MAGI1: variants seen among roughly 807,000 people sequenced by gnomAD.
MAGI1 encodes the protein membrane associated guanylate kinase, WW and PDZ domain containing 1, also known as membrane-associated guanylate kinase, WW and PDZ domain-containing protein 1.
A neutral mutation model predicts 139.9 loss-of-function variants in MAGI1; 58 were observed. The observed-to-expected ratio is 0.41, with a 90% CI of 0.34 to 0.52. The LOEUF (loss-of-function observed/expected upper bound fraction) is 0.52. MAGI1 is among the 20% of genes least tolerant of loss of function. The pLI, the probability that MAGI1 is intolerant of heterozygous loss-of-function variation, is 0.12. For synonymous variants in MAGI1, 812 were observed against 737.9 expected (o/e 1.10, Z -1.63); for missense variants, 1,874 against 1,901.6 (o/e 0.99, Z 0.27).
chr3:65,468,869 G>T (rs1028656087), intron 5 of MAGI1, among the ~76,000 whole-genome samples: 2 of 151,642 alleles, frequency 1.3e-5, no homozygotes, highest in Non-Finnish European at 2.9e-5. Flanking sequence ...CTGGGAGATA[G>T]AGGCTGCAGT....
At chr3:65,374,803 AC>A (rs1193698358) in intron 18 of MAGI1, among the ~76,000 whole-genome samples, 1 of 152,156 alleles carries the variant, frequency 6.6e-6, no homozygotes, top group African/African-American at 2.4e-5. Flanking sequence ...ATCACCACTT[AC>A]ATAAAAGAAC....
chr3:65,824,585 T>A (rs1188268335), intron 1 of MAGI1, among the ~76,000 whole-genome samples: 4 of 152,186 alleles, frequency 2.6e-5, no homozygotes, highest in Non-Finnish European at 5.9e-5. Flanking sequence ...CAAAAATAAA[T>A]CTGTCCTCTG....
At chr3:65,647,194 AG>A (rs2085316383) in intron 1 of MAGI1, among the ~76,000 whole-genome samples, 1 of 152,188 alleles carries the variant, frequency 6.6e-6, no homozygotes, top group Admixed American at 6.6e-5. Flanking sequence ...ATATCACTAA[AG>A]ACCTTGCATA....
chr3:65,500,565 TGC>T (rs1464844760), intron 2 of MAGI1, among the ~76,000 whole-genome samples: 1 of 152,262 alleles, frequency 6.6e-6, no homozygotes, highest in Non-Finnish European at 1.5e-5. Flanking sequence ...GGAACTTATC[TGC>T]GCTATCTTTT....
At chr3:65,755,585 T>C (rs187947748) in intron 1 of MAGI1, among the ~76,000 whole-genome samples, 57 of 152,302 alleles carry the variant, frequency 3.7e-4, no homozygotes, top group Admixed American at 9.8e-4. Flanking sequence ...AATTTACACA[T>C]AGGCATATAA....
chr3:65,691,730 T>C (rs2088673795), intron 1 of MAGI1, among the ~76,000 whole-genome samples: 1 of 152,170 alleles, frequency 6.6e-6, no homozygotes, highest in African/African-American at 2.4e-5. Context: ...ATCAAAATAA[T>C]ATAGTTCCAG....
intron 1 of MAGI1, among the ~76,000 whole-genome samples, chr3:65,900,208 C>G (rs774131170): frequency 1.3e-4 from 20 of 152,170 alleles, no homozygotes; most frequent in Non-Finnish European, 2.6e-4. Flanking sequence ...AACATCGTGT[C>G]TTTCCTATGT....
chr3:65,876,354 C>A (rs76841349), intron 1 of MAGI1, among the ~76,000 whole-genome samples: 20 of 151,850 alleles, frequency 1.3e-4, no homozygotes, highest in Admixed American at 3.3e-4. Context: ...ACCACCCCCC[C>A]CAAAAAAGGC....
intron 1 of MAGI1, among the ~76,000 whole-genome samples, chr3:65,997,792 C>T (rs1280727607): frequency 6.6e-6 from 1 of 152,176 alleles, no homozygotes; most frequent in East Asian, 1.9e-4. Flanking sequence ...CCCTCTCCCC[C>T]TCGACACCAG....
At chr3:65,950,139 T>TTA (rs1377787740) in intron 1 of MAGI1, among the ~76,000 whole-genome samples, 1 of 149,094 alleles carries the variant, frequency 6.7e-6, no homozygotes, top group Non-Finnish European at 1.5e-5. Flanking sequence ...TTTTTTTTTT[T>TTA]TACTTTACAG....
At chr3:65,998,129 T>G (rs2066556750) in intron 1 of MAGI1, among the ~76,000 whole-genome samples, 1 of 148,556 alleles carries the variant, frequency 6.7e-6, no homozygotes, top group Admixed American at 6.7e-5. Context: ...AAACAAACAG[T>G]AGTTGTGGTG....
chr3:65,688,292 C>T (rs1388511433), intron 1 of MAGI1: 4 of 831,560 alleles, frequency 4.8e-6, no homozygotes, highest in Non-Finnish European at 8.1e-6. Context: ...AGATCCTTGG[C>T]CAGGAGGGTG....
chr3:65,879,559 C>T (rs1022577772), intron 1 of MAGI1, among the ~76,000 whole-genome samples: 7 of 152,152 alleles, frequency 4.6e-5, no homozygotes, highest in African/African-American at 1.4e-4. Flanking sequence ...ATAATCCCAG[C>T]TCTACTATGT....
intron 2 of MAGI1, among the ~76,000 whole-genome samples, chr3:65,587,196 T>C (rs370210038): frequency 2.6e-5 from 4 of 152,190 alleles, no homozygotes; most frequent in East Asian, 1.9e-4. Context: ...TGGAGTTATG[T>C]CCCAATAAAC....
intron 1 of MAGI1, among the ~76,000 whole-genome samples, chr3:65,811,265 GAACA>G (rs1302214981): frequency 6.6e-6 from 1 of 152,194 alleles, no homozygotes; most frequent in African/African-American, 2.4e-5. Flanking sequence ...CTACTGACAT[GAACA>G]AACAATGAAA....
At chr3:65,844,760 A>G (rs987319359) in intron 1 of MAGI1, among the ~76,000 whole-genome samples, 9 of 152,232 alleles carry the variant, frequency 5.9e-5, no homozygotes, top group Non-Finnish European at 1.3e-4. Context: ...TTTCCAGTGC[A>G]GATTGGATCC....
intron 8 of MAGI1, among the ~76,000 whole-genome samples, chr3:65,441,670 A>G (rs1948339897): frequency 6.6e-6 from 1 of 152,210 alleles, no homozygotes; most frequent in African/African-American, 2.4e-5. Context: ...TCTGTGAGAA[A>G]GATGATCTTT....
At chr3:65,853,794 G>A (rs1351210807) in intron 1 of MAGI1, among the ~76,000 whole-genome samples, 1 of 152,152 alleles carries the variant, frequency 6.6e-6, no homozygotes, top group Non-Finnish European at 1.5e-5. Flanking sequence ...GGGAGAAAGT[G>A]GTTATCTCAA....
chr3:65,677,333 G>A (rs2087260446), intron 1 of MAGI1, among the ~76,000 whole-genome samples: 1 of 152,160 alleles, frequency 6.6e-6, no homozygotes, highest in African/African-American at 2.4e-5. Flanking sequence ...AGAGCAAGGT[G>A]GAGATGGGAA....
Sources: gnomAD v4.1 joint callset for allele counts (sites outside exome capture counted in the v4.1 genomes callset) on GRCh38, gnomAD v4.1.1 for gene constraint, MANE v1.5 for transcripts, NCBI Gene and HGNC (gene_info 2026-07-23, HGNC 2026-07-21) for gene names.